Variants in WDFY3 observed in about 807,000 individuals in gnomAD.
WDFY3 encodes the protein WD repeat and FYVE domain containing 3.
WDFY3 carries 66 observed loss-of-function variants against 409.6 expected under a neutral mutation model. The observed-to-expected ratio is 0.16, with a 90% CI of 0.13 to 0.20. WDFY3 has a LOEUF of 0.20. Among genes scored for constraint, WDFY3 ranks in the 10% least tolerant of loss-of-function variants. WDFY3 has a pLI of 1.00. For synonymous variants in WDFY3, 1,521 were observed against 1,537.1 expected (o/e 0.99, Z 0.25); for missense variants, 3,031 against 4,298.1 (o/e 0.71, Z 8.24).
chr4:84,772,902 C>T lies in WDFY3; in HGVS notation c.4782G>A (p.Leu1594=). The T allele has an allele frequency of 6.2e-7, 1 of 1,607,062 alleles. No individual in the cohort carries two copies. Among genetic ancestry groups the T allele is most frequent in the Non-Finnish European group, 8.5e-7 (1 of 1,177,396 alleles). The stretch of plus-strand genomic sequence containing the variant: ...ATTTCTCACAAACCGCAAAGGTTGG[C>T]AAAGTAGAAGAAATAAACTGCCCAA... ...LRFGQFISST[L]PTFAVCEKFV... Residue 1594 remains leucine (L), a synonymous_variant, in exon 30 of 68, where the codon TTG becomes TTA. Coordinates refer to ENST00000295888, the MANE Select transcript of WDFY3 (RefSeq NM_014991.6).
intron 3 of WDFY3, among the ~76,000 whole-genome samples, chr4:84,875,326 T>C (rs1463323599): frequency 6.7e-6 from 1 of 148,244 alleles, no homozygotes; most frequent in Non-Finnish European, 1.5e-5. Context: ...GTAAAAATAC[T>C]GTAGAAAGAT....
At chr4:84,755,439 A>G in intron 33 of WDFY3, 39 bp from the exon 34 acceptor site, 1 of 1,573,946 alleles carries the variant, frequency 6.4e-7, no homozygotes, top group Non-Finnish European at 8.6e-7. Context: ...GCCACCACTA[A>G]TTTTTCAGTA....
At chr4:84,889,168 T>C (rs914994661) in intron 3 of WDFY3, among the ~76,000 whole-genome samples, 29 of 152,212 alleles carry the variant, frequency 1.9e-4, no homozygotes, top group Non-Finnish European at 4.4e-5. Flanking sequence ...AAAAGCAATG[T>C]CTCTATTTCT....
intron 35 of WDFY3, 55 bp from the exon 36 acceptor site, chr4:84,751,771 C>T (rs1393702575): frequency 6.3e-7 from 1 of 1,581,416 alleles, no homozygotes; most frequent in African/African-American, 1.3e-5. Context: ...GACATTTTTA[C>T]TTCTGTGTTT....
chr4:84,708,091 G>C (rs987623031), intron 53 of WDFY3, among the ~76,000 whole-genome samples: 3 of 152,142 alleles, frequency 2.0e-5, no homozygotes, highest in Non-Finnish European at 2.9e-5. Flanking sequence ...GTTCATTTCT[G>C]AACTAATCAG....
chr4:84,701,963 G>C (rs1424010663), intron 56 of WDFY3, among the ~76,000 whole-genome samples: 1 of 152,164 alleles, frequency 6.6e-6, no homozygotes, highest in African/African-American at 2.4e-5. Flanking sequence ...TTTCACCTCT[G>C]TTTTCATCAA....
At chr4:84,919,016 A>C (rs971889843) in intron 2 of WDFY3, among the ~76,000 whole-genome samples, 1 of 151,928 alleles carries the variant, frequency 6.6e-6, no homozygotes, top group Non-Finnish European at 1.5e-5. Flanking sequence ...GAAATGACTG[A>C]CTCCAGTGCT....
rs1560539454 is a variant in WDFY3, at chr4:84,692,899, A to G, written c.9035T>C (p.Leu3012Pro). 6.2e-7 allele frequency: 1 copy of G among 1,607,698 alleles called. No homozygotes were observed. Among genetic ancestry groups the G allele is most frequent in the East Asian group, 2.2e-5 (1 of 44,810 alleles). ...FHHLDNLRPS[L>P]TPVKELKEPV... Reference sequence around the variant, plus strand: ...CATTATTTTACCTTTTACAGGTGTTAGAGAAGGCCTCAAGTTGTCTAGATG... The same window carrying G: ...CATTATTTTACCTTTTACAGGTGTTGGAGAAGGCCTCAAGTTGTCTAGATG... Residue 3012 changes from leucine to proline, a missense_variant, in exon 59 of 68, where the codon CTA becomes CCA. Leu to Pro is a moderately conservative substitution (Grantham distance 98). This residue lies in a region of WDFY3 where 152 missense variants were observed against 193.5 expected (regional missense o/e 0.79). Transcript: ENST00000295888.
At chr4:84,900,001 CTG>C (rs1287495029) in intron 2 of WDFY3, among the ~76,000 whole-genome samples, 1 of 152,136 alleles carries the variant, frequency 6.6e-6, no homozygotes, top group African/African-American at 2.4e-5. Context: ...TGCAATGTGA[CTG>C]TGCCACTGTA....
At chr4:84,771,661 G>T (rs1438725224) in intron 30 of WDFY3, among the ~76,000 whole-genome samples, 1 of 152,002 alleles carries the variant, frequency 6.6e-6, no homozygotes, top group Non-Finnish European at 1.5e-5. Context: ...TCTTTTACTT[G>T]TATCTTTTTG....
chr4:84,692,581 T>A (rs1298165445), intron 59 of WDFY3, among the ~76,000 whole-genome samples: 8 of 152,312 alleles, frequency 5.3e-5, no homozygotes, highest in Non-Finnish European at 1.0e-4. Flanking sequence ...AAATTTTTTT[T>A]ATCTATAAAG....
intron 5 of WDFY3, among the ~76,000 whole-genome samples, chr4:84,842,086 A>T (rs1454836216): frequency 2.6e-5 from 4 of 152,208 alleles, no homozygotes; most frequent in Non-Finnish European, 5.9e-5. Flanking sequence ...TAGAGAGAAG[A>T]GTAAATGGAG....
At chr4:84,678,768 C>T in intron 65 of WDFY3, 151 bp downstream of exon 65, 1 of 794,632 alleles carries the variant, frequency 1.3e-6, no homozygotes, top group Non-Finnish European at 2.0e-6. Context: ...CTGAAGAGGC[C>T]TTCTGTGTAA....
At chr4:84,908,574 C>T (rs908015019) in intron 2 of WDFY3, among the ~76,000 whole-genome samples, 1 of 152,140 alleles carries the variant, frequency 6.6e-6, no homozygotes, top group African/African-American at 2.4e-5. Context: ...TAAATGGCTT[C>T]GCATAATTCT....
intron 3 of WDFY3, among the ~76,000 whole-genome samples, chr4:84,866,603 G>A (rs1279338537): frequency 7.2e-5 from 11 of 152,314 alleles, no homozygotes; most frequent in Admixed American, 7.2e-4. Context: ...AATTAGCCAT[G>A]GACCAAATCC....
chr4:84,853,069 A>G (rs1759254054), intron 4 of WDFY3, among the ~76,000 whole-genome samples: 1 of 151,670 alleles, frequency 6.6e-6, no homozygotes. Flanking sequence ...AGAAACCTCT[A>G]TTCTTTAACA....
intron 3 of WDFY3, among the ~76,000 whole-genome samples, chr4:84,877,198 T>G (rs1173716008): frequency 2.6e-5 from 4 of 152,206 alleles, no homozygotes; most frequent in African/African-American, 9.6e-5. Flanking sequence ...CACACCCGTC[T>G]ACTGCAGGCC....
chr4:84,833,711 C>G (rs114986860), intron 7 of WDFY3, among the ~76,000 whole-genome samples: 19,374 of 150,880 alleles, frequency 0.13, 1,704 homozygotes, highest in African/African-American at 0.25. Flanking sequence ...GAGAAGAGAA[C>G]AGAACAGAAG....
At chr4:84,681,424 G>A (rs1727326641) in intron 64 of WDFY3, among the ~76,000 whole-genome samples, 4 of 152,100 alleles carry the variant, frequency 2.6e-5, no homozygotes, top group Admixed American at 2.6e-4. Context: ...CAAACACCCA[G>A]ATGACCTTTT....
Sources: allele counts gnomAD v4.1 joint callset (sites outside exome capture counted in the v4.1 genomes callset), GRCh38; gene constraint gnomAD v4.1.1; regional missense constraint gnomAD v4.1.1; transcripts MANE v1.5; gene names NCBI Gene and HGNC (gene_info 2026-07-23, HGNC 2026-07-21).